Variants in PCDH10 observed in about 807,000 individuals in gnomAD.
PCDH10 encodes protocadherin-10.
In PCDH10, 15 loss-of-function variants were observed where a neutral mutation model predicts 74.4. The observed-to-expected ratio is 0.20, with a 90% CI of 0.13 to 0.31. PCDH10 has a LOEUF of 0.31. PCDH10 is among the 10% of genes least tolerant of loss of function. PCDH10 has a pLI of 1.00. For missense variants in PCDH10, 1,260 were observed against 1,390.2 expected (o/e 0.91, Z 1.49); for synonymous variants, 619 against 589.8 (o/e 1.05, Z -0.72).
chr4:133,182,619 A>G (rs557524886), intron 4 of PCDH10, among the ~76,000 whole-genome samples: 2 of 152,104 alleles, frequency 1.3e-5, no homozygotes, highest in Non-Finnish European at 2.9e-5. Flanking sequence ...AAAAATTTTC[A>G]GTGATATTAT....
intron 4 of PCDH10, among the ~76,000 whole-genome samples, chr4:133,188,036 T>C (rs1727577339): frequency 6.6e-6 from 1 of 152,138 alleles, no homozygotes; most frequent in South Asian, 2.1e-4. Context: ...CCTGAGTTTC[T>C]TTTGTTCTTG....
chr4:133,167,457 G>A (rs1306189918), intron 4 of PCDH10, among the ~76,000 whole-genome samples: 6 of 151,582 alleles, frequency 4.0e-5, no homozygotes. Flanking sequence ...CCTCTGTATA[G>A]TGTTTTCTCT....
At chr4:133,175,141 T>C (rs148174193) in intron 4 of PCDH10, among the ~76,000 whole-genome samples, 1 of 152,144 alleles carries the variant, frequency 6.6e-6, no homozygotes, top group Admixed American at 6.6e-5. Context: ...CATATCATAT[T>C]GTTTTGAAGT....
intron 4 of PCDH10, among the ~76,000 whole-genome samples, chr4:133,178,171 A>G (rs1209917375): frequency 1.3e-5 from 2 of 152,194 alleles, no homozygotes; most frequent in South Asian, 4.1e-4. Flanking sequence ...TACCAATAGT[A>G]ATAGTAGCTA....
At chr4:133,200,330 A>G (rs1300500923) in intron 2 of PCDH10, among the ~76,000 whole-genome samples, 2 of 151,954 alleles carry the variant, frequency 1.3e-5, no homozygotes, top group East Asian at 1.9e-4. Context: ...GACCCATGTA[A>G]AAAGGACACA....
rs1560717112 is a variant in PCDH10, at chr4:133,193,567, T to C, written c.*3407T>C. On this transcript the variant is annotated 3_prime_UTR_variant, in exon 5 of 5. Transcript: ENST00000264360. Reference sequence around the variant, plus strand: ...ACCATTTTACCTTCTAAACATTATTTACTGGAGCTCAGTTAGTCTTTAAAA... The same window carrying C: ...ACCATTTTACCTTCTAAACATTATTCACTGGAGCTCAGTTAGTCTTTAAAA... The C allele has an allele frequency of 6.6e-6, 1 of 151,634 alleles. No homozygotes were observed. The highest frequency in any genetic ancestry group is 2.4e-5 in the African/African-American group (1 of 41,414). 9.4% of individuals were successfully genotyped at this position (151,634 alleles called of 1,614,324 possible). A position where few individuals can be genotyped will look rare whatever the true frequency, so the allele number is the denominator to read the frequency against.
Position 133,151,545 on chromosome 4 carries a change from G to C in PCDH10, c.1405G>C (p.Asp469His), listed in dbSNP as rs764716959. The change falls in exon 1 of 5, where the codon GAC becomes CAC. Residue 469 changes from aspartate to histidine, a missense_variant. Around this residue, in one of 11 missense-constraint regions of PCDH10, gnomAD observed 587 missense variants for 616.9 expected, o/e 0.95. Coordinates refer to ENST00000264360, the MANE Select transcript of PCDH10 (RefSeq NM_032961.3). The part of the protein sequence containing the change: ...NAPRFSQPVY[D>H]VYVTENNVPG... ...GCCGCGTTTCAGCCAGCCGGTCTAC[G>C]ACGTGTATGTGACTGAAAACAACGT... is the stretch of plus-strand genomic sequence containing the variant. 1 of 1,614,082 alleles carries C rather than the reference G, an allele frequency of 6.2e-7. No homozygotes were observed. The highest frequency in any genetic ancestry group is 8.5e-7 in the Non-Finnish European group (1 of 1,180,034).
Position 133,163,364 on chromosome 4 carries a change from G to A in PCDH10, c.3103+82G>A, listed in dbSNP as rs573107189. The A allele has an allele frequency of 8.3e-5, 106 of 1,284,832 alleles. No homozygotes were observed. The East Asian group carries it at 2.4e-3, about 29-fold the overall frequency. The allele number at this position is 1,284,832 out of a possible 1,614,324, so 79.6% of individuals were successfully genotyped here. A position where few individuals can be genotyped will look rare whatever the true frequency, so the allele number is the denominator to read the frequency against. Reference sequence around the variant, plus strand: ...ACATTCCACTCTTTTTGGTAAAAATGGAGTTCAGGTTTTTTTAAGAAATAA... The same window carrying A: ...ACATTCCACTCTTTTTGGTAAAAATAGAGTTCAGGTTTTTTTAAGAAATAA... On this transcript the variant is annotated intron_variant, in intron 4 of 4. Coordinates refer to ENST00000264360, the MANE Select transcript of PCDH10 (RefSeq NM_032961.3).
Position 133,205,376 on chromosome 4 carries a change from G to A in PCDH10, n.438-2700G>A, listed in dbSNP as rs1433378240. Among the ~76,000 whole-genome samples, 5 of 152,118 alleles carry A rather than the reference G, an allele frequency of 3.3e-5. No homozygotes were observed. In the East Asian group the frequency reaches 9.6e-4, roughly 29 times the overall value. ...AGAGTTTCCATATCGTCTTCTAAGG[G>A]AAGTGGACCATTTTTGTAAATAAAC... On this transcript the variant is annotated intron_variant and non_coding_transcript_variant, in intron 2 of 2. Transcript: ENST00000511112.
In PCDH10 at chr4:133,150,325, C is replaced by T. The variant is rs766754107; in HGVS notation, c.185C>T (p.Pro62Leu). 8 of 1,613,754 alleles carry T rather than the reference C, an allele frequency of 5.0e-6. No homozygotes were observed. Among genetic ancestry groups the T allele is most frequent in the Non-Finnish European group, 5.9e-6 (7 of 1,179,882 alleles). ...CAGACGGTGCCCAACTCAAGGACCC[C>T]TTACTTAGACCTCAACCTGGAGACA... ...GFQTVPNSRT[P>L]YLDLNLETGV... The change falls in exon 1 of 5, where the codon CCT becomes CTT. Residue 62 changes from proline (P) to leucine (L), a missense_variant. Pro to Leu is a moderately conservative substitution (Grantham distance 98). Around this residue, in one of 11 missense-constraint regions of PCDH10, gnomAD observed 103 missense variants for 91.5 expected, o/e 1.13. Transcript: ENST00000264360.
chr4:133,207,268 T>G (rs952196761), intron 2 of PCDH10, among the ~76,000 whole-genome samples: 2 of 152,120 alleles, frequency 1.3e-5, no homozygotes, highest in African/African-American at 4.8e-5. Context: ...ATTGCATTGG[T>G]TTATTTACCA....
At chr4:133,199,534 G>A (rs1314492933), downstream of PCDH10, among the ~76,000 whole-genome samples, 1 of 149,960 alleles carries the variant, frequency 6.7e-6, no homozygotes, top group Admixed American at 6.6e-5. Flanking sequence ...ATGTTGGTCA[G>A]TCAGCTGATG....
chr4:133,192,239 A>G lies in PCDH10; in HGVS notation c.*2079A>G, dbSNP rs533764385. The G allele has an allele frequency of 2.6e-5, 4 of 151,852 alleles. No individual in the cohort carries two copies. In the South Asian group the frequency reaches 8.3e-4, roughly 31 times the overall value. 9.4% of individuals were successfully genotyped at this position (151,852 alleles called of 1,614,324 possible). ...TCTTAAACTTTGGCATTACTACATT[A>G]ATATTTTGAATGATAGACTATTTTA... On this transcript the variant is annotated 3_prime_UTR_variant, in exon 5 of 5. Coordinates refer to ENST00000264360, the MANE Select transcript of PCDH10 (RefSeq NM_032961.3).
intron 2 of PCDH10, 36 bp downstream of exon 2, chr4:133,154,401 A>G (rs567374177): frequency 4.0e-6 from 5 of 1,246,224 alleles, no homozygotes; most frequent in South Asian, 2.7e-5. Flanking sequence ...GTAATGGACA[A>G]TTTACAACCT....
chr4:133,170,891 A>G (rs1347393222), intron 4 of PCDH10, among the ~76,000 whole-genome samples: 1 of 151,006 alleles, frequency 6.6e-6, no homozygotes, highest in East Asian at 1.9e-4. Context: ...ACGAGGTGTC[A>G]TCCTGTTAGC....
At chr4:133,186,888 T>G (rs762287059) in intron 4 of PCDH10, among the ~76,000 whole-genome samples, 2 of 152,066 alleles carry the variant, frequency 1.3e-5, no homozygotes, top group African/African-American at 4.8e-5. Context: ...CTGCTAACTT[T>G]TGTATTTCTA....
intron 4 of PCDH10, 71 bp from the exon 5 acceptor site, chr4:133,190,070 C>A: frequency 1.6e-6 from 2 of 1,269,934 alleles, no homozygotes. Flanking sequence ...CTTTCTTTTA[C>A]AATAATGTGT....
rs772494051 is a variant in PCDH10 at position 133,151,359 on chromosome 4, T to A, written c.1219T>A (p.Ser407Thr). ...LLGDVPFRLKSSFKNYYTIVT... is the reference protein window; with the variant it reads ...LLGDVPFRLKTSFKNYYTIVT... ...GGGAGACGTGCCTTTCCGCCTCAAG[T>A]CTTCCTTTAAGAATTACTACACCAT... is the stretch of plus-strand genomic sequence containing the variant. The change falls in exon 1 of 5, where the codon TCT (serine) becomes ACT (threonine). Residue 407 changes from serine to threonine, a missense_variant. Ser to Thr is a moderately conservative substitution (Grantham distance 58, BLOSUM62 1). Around this residue, in one of 11 missense-constraint regions of PCDH10, gnomAD observed 112 missense variants for 123.6 expected, o/e 0.91. Transcript: ENST00000264360. 1 of 1,614,084 alleles carries A rather than the reference T, an allele frequency of 6.2e-7. No homozygotes were observed. The highest frequency in any genetic ancestry group is 1.1e-5 in the South Asian group (1 of 91,084).
At chr4:133,183,938 A>C (rs2125871324) in intron 4 of PCDH10, among the ~76,000 whole-genome samples, 1 of 152,240 alleles carries the variant, frequency 6.6e-6, no homozygotes, top group Non-Finnish European at 1.5e-5. Context: ...CTGTTTCACA[A>C]AACTGTTTGC....
Sources: gnomAD v4.1 joint callset for allele counts (sites outside exome capture counted in the v4.1 genomes callset) on GRCh38, gnomAD v4.1.1 for gene constraint, gnomAD v4.1.1 regional missense constraint, MANE v1.5 for transcripts, NCBI Gene and HGNC (gene_info 2026-07-23, HGNC 2026-07-21) for gene names.